LOC400499: variants seen among roughly 807,000 people sequenced by gnomAD.
At chr16:11,443,361 A>T in the LOC400499 span, 70 of 355,808 alleles carry the variant, frequency 2.0e-4, 1 homozygote, top group Middle Eastern at 9.5e-4. Flanking sequence ...AAAAAAAATG[A>T]TCGGAGGGGT....
chr16:11,456,573 C>T, the LOC400499 span, among the ~76,000 whole-genome samples: 1 of 152,108 alleles, frequency 6.6e-6, no homozygotes, highest in Non-Finnish European at 1.5e-5. Context: ...TCACGGCACT[C>T]ATTAAAGATA....
At chr16:11,393,353 G>C in the LOC400499 span, 2 of 1,230,634 alleles carry the variant, frequency 1.6e-6, no homozygotes, top group African/African-American at 3.1e-5. Context: ...CAGGGGCCGT[G>C]GCCCAGCTAG....
the LOC400499 span, among the ~76,000 whole-genome samples, chr16:11,507,086 C>G: frequency 6.6e-6 from 1 of 150,504 alleles, no homozygotes; most frequent in Admixed American, 6.6e-5. Flanking sequence ...GGCCCACAGC[C>G]CTTGCCCTGA....
chr16:11,436,629 C>T, the LOC400499 span, among the ~76,000 whole-genome samples: 1 of 151,940 alleles, frequency 6.6e-6, no homozygotes, highest in Admixed American at 6.6e-5. Flanking sequence ...GCTGTGTCAC[C>T]CAGGCTGGAG....
the LOC400499 span, chr16:11,508,670 T>A: frequency 2.5e-6 from 1 of 398,852 alleles, no homozygotes; most frequent in African/African-American, 2.1e-5. Context: ...TCCTAGGGAC[T>A]CAGGGCCAAG....
chr16:11,384,930 G>A, the LOC400499 span: 5 of 1,232,228 alleles, frequency 4.1e-6, no homozygotes, highest in East Asian at 3.2e-5. Flanking sequence ...AGGCCGGTGG[G>A]CACGTCACAG....
At chr16:11,398,974 G>A in the LOC400499 span, among the ~76,000 whole-genome samples, 2 of 152,196 alleles carry the variant, frequency 1.3e-5, no homozygotes, top group Non-Finnish European at 2.9e-5. Context: ...GAGCACTTAG[G>A]GGGCCATGCC....
chr16:11,467,991 G>A, the LOC400499 span, among the ~76,000 whole-genome samples: 1 of 152,120 alleles, frequency 6.6e-6, no homozygotes, highest in Non-Finnish European at 1.5e-5. Flanking sequence ...TGGGAAGACA[G>A]AGACAGAAGA....
At chr16:11,475,586 C>A in the LOC400499 span, 1 of 398,846 alleles carries the variant, frequency 2.5e-6, no homozygotes, top group Non-Finnish European at 4.4e-6. Flanking sequence ...CCTGGGATGC[C>A]CACCTTGGTA....
the LOC400499 span, chr16:11,515,943 G>A: frequency 2.4e-5 from 9 of 373,954 alleles, no homozygotes; most frequent in Admixed American, 3.7e-4. Context: ...ACTCCAGGCA[G>A]GGCCTGAGAA....
the LOC400499 span, among the ~76,000 whole-genome samples, chr16:11,415,141 A>G: frequency 1.3e-5 from 2 of 152,210 alleles, no homozygotes; most frequent in African/African-American, 4.8e-5. Context: ...ATCCACCTGC[A>G]GCCACCTGGC....
chr16:11,456,642 G>A, the LOC400499 span, among the ~76,000 whole-genome samples: 1 of 152,036 alleles, frequency 6.6e-6, no homozygotes, highest in African/African-American at 2.4e-5. Flanking sequence ...TGCCCAGGCT[G>A]ATCTCAGACT....
the LOC400499 span, among the ~76,000 whole-genome samples, chr16:11,401,772 T>A: frequency 5.3e-5 from 8 of 152,238 alleles, no homozygotes; most frequent in African/African-American, 9.6e-5. Context: ...GAGGCTGATG[T>A]GTGGCTTCAC....
chr16:11,412,362 A>C, the LOC400499 span, among the ~76,000 whole-genome samples: 4 of 152,148 alleles, frequency 2.6e-5, no homozygotes, highest in African/African-American at 9.7e-5. Context: ...TCCCCACTGT[A>C]GCAACCAGAA....
chr16:11,480,523 A>G, the LOC400499 span, among the ~76,000 whole-genome samples: 1 of 152,208 alleles, frequency 6.6e-6, no homozygotes, highest in Non-Finnish European at 1.5e-5. Flanking sequence ...AACTCCAACA[A>G]TGGGAAAATG....
At chr16:11,422,671 T>C in the LOC400499 span, among the ~76,000 whole-genome samples, 1 of 152,146 alleles carries the variant, frequency 6.6e-6, no homozygotes, top group African/African-American at 2.4e-5. Flanking sequence ...CTGGGGATAC[T>C]ACCATGCACA....
At chr16:11,393,865 C>G in the LOC400499 span, among the ~76,000 whole-genome samples, 1 of 152,188 alleles carries the variant, frequency 6.6e-6, no homozygotes. Flanking sequence ...ATCGCTTGAG[C>G]CCAGGAGTTT....
the LOC400499 span, among the ~76,000 whole-genome samples, chr16:11,426,984 G>A: frequency 6.9e-6 from 1 of 144,446 alleles, no homozygotes; most frequent in Non-Finnish European, 1.5e-5. Context: ...ATCAATAAAA[G>A]ACAAACAATT....
the LOC400499 span, chr16:11,404,764 C>A: frequency 5.0e-6 from 2 of 399,058 alleles, no homozygotes; most frequent in Non-Finnish European, 8.8e-6. Context: ...CCGGTGAGGG[C>A]CACCTCCTGG....
Sources: gnomAD v4.1 joint callset for allele counts (sites outside exome capture counted in the v4.1 genomes callset) on GRCh38, gnomAD v4.1.1 for gene constraint, MANE v1.5 for transcripts.